KLHL4: variants seen among roughly 807,000 people sequenced by gnomAD.
The protein encoded by KLHL4 is kelch like family member 4.
Under a neutral mutation model 45.8 loss-of-function variants are expected in KLHL4, and 17 were observed. The ratio of observed to expected loss-of-function variants is 0.37; its 90% CI spans 0.25 to 0.56. KLHL4 has a LOEUF of 0.56. KLHL4 is among the 20% of genes least tolerant of loss of function. KLHL4 has a pLI of 0.79. For missense variants in KLHL4, 544 were observed against 544.9 expected (o/e 1.00, Z 0.02); for synonymous variants, 224 against 189.9 (o/e 1.18, Z -1.47).
rs1354000433 is a variant in KLHL4, at chrX:87,582,711, G to C, written c.423-31166G>C. Among the ~76,000 whole-genome samples the C allele has an allele frequency of 2.7e-5, 3 of 111,924 alleles. No individual in the cohort carries two copies. The East Asian group carries it at 8.5e-4, about 32-fold the overall frequency. ...GGGGGATCATTTTGTGTCCAGAGTT[G>C]GTTCCTTCCAGTGGGTTTGTGGTCT... On this transcript the variant is annotated intron_variant, in intron 1 of 10. Coordinates refer to ENST00000373119, the MANE Select transcript of KLHL4 (RefSeq NM_019117.5).
chrX:87,570,125 G>C (rs967839629), intron 1 of KLHL4, among the ~76,000 whole-genome samples: 1 of 110,820 alleles, frequency 9.0e-6, no homozygotes, highest in Non-Finnish European at 1.9e-5. Flanking sequence ...AGGAATTTAT[G>C]ATCTTAAGGG....
chrX:87,554,900 C>T (rs2147781347), intron 1 of KLHL4, among the ~76,000 whole-genome samples: 1 of 105,091 alleles, frequency 9.5e-6, no homozygotes, highest in East Asian at 3.2e-4. Context: ...CCATCAATAC[C>T]TAATTTATTG....
At chrX:87,554,497 A>C (rs1460545877) in intron 1 of KLHL4, among the ~76,000 whole-genome samples, 7 of 93,323 alleles carry the variant, frequency 7.5e-5, no homozygotes, top group Non-Finnish European at 1.4e-4. Context: ...ATGGGAGTTC[A>C]CTCATGATTT....
intron 4 of KLHL4, among the ~76,000 whole-genome samples, chrX:87,618,786 A>G (rs749725712): frequency 1.8e-5 from 2 of 111,992 alleles, no homozygotes; most frequent in East Asian, 5.6e-4. Flanking sequence ...GGCATGAGAC[A>G]CTGCGCCCAG....
At chrX:87,646,162 C>A (rs750011037) in intron 9 of KLHL4, among the ~76,000 whole-genome samples, 29 of 111,030 alleles carry the variant, frequency 2.6e-4, no homozygotes, top group Admixed American at 1.9e-4. Context: ...ACAACAACAA[C>A]AAAAACTTAG....
intron 1 of KLHL4, among the ~76,000 whole-genome samples, chrX:87,549,215 T>C (rs1468953760): frequency 1.8e-5 from 2 of 110,770 alleles, no homozygotes; most frequent in Non-Finnish European, 3.8e-5. Context: ...TTAAAAAGGA[T>C]ACATAATAGC....
chrX:87,659,953 C>T (rs1057135633), intron 9 of KLHL4, among the ~76,000 whole-genome samples: 4 of 77,139 alleles, frequency 5.2e-5, no homozygotes, highest in African/African-American at 1.1e-4. Flanking sequence ...TGTGTGTGCG[C>T]GTATGAGTGT....
intron 6 of KLHL4, among the ~76,000 whole-genome samples, chrX:87,631,066 G>A (rs988750710): frequency 3.2e-4 from 36 of 111,611 alleles, no homozygotes; most frequent in Admixed American, 1.3e-3. Flanking sequence ...TACATAGGGC[G>A]CAAAAGACTG....
chrX:87,568,201 G>T (rs1233332274), intron 1 of KLHL4, among the ~76,000 whole-genome samples: 1 of 108,882 alleles, frequency 9.2e-6, no homozygotes, highest in Non-Finnish European at 1.9e-5. Context: ...GGGCTTTATT[G>T]TTATTATAAT....
chrX:87,585,252 T>C (rs1921427482), intron 1 of KLHL4, among the ~76,000 whole-genome samples: 1 of 111,165 alleles, frequency 9.0e-6, no homozygotes, highest in Non-Finnish European at 1.9e-5. Flanking sequence ...AGAACTTCAA[T>C]AAAAAATATA....
chrX:87,588,253 A>G (rs952237369), intron 1 of KLHL4, among the ~76,000 whole-genome samples: 1 of 112,016 alleles, frequency 8.9e-6, no homozygotes, highest in African/African-American at 3.2e-5. Context: ...TGCAGTCTCT[A>G]TCAAAATACC....
intron 1 of KLHL4, among the ~76,000 whole-genome samples, chrX:87,596,332 T>G (rs2147803216): frequency 8.9e-6 from 1 of 112,411 alleles, no homozygotes; most frequent in South Asian, 3.6e-4. Flanking sequence ...GCTGTAAAAC[T>G]AAGTATGCTG....
intron 9 of KLHL4, among the ~76,000 whole-genome samples, chrX:87,656,983 G>A (rs1203291903): frequency 8.9e-6 from 1 of 111,743 alleles, no homozygotes; most frequent in East Asian, 2.8e-4. Flanking sequence ...ATTATAGGTA[G>A]CCTTAGTGTG....
chrX:87,633,184 G>A (rs1453791837), intron 7 of KLHL4, among the ~76,000 whole-genome samples: 1 of 110,528 alleles, frequency 9.0e-6, no homozygotes, highest in African/African-American at 3.3e-5. Context: ...GTGAAGGTGG[G>A]GAAAAAAACA....
chrX:87,581,149 A>C (rs1230433929), intron 1 of KLHL4, among the ~76,000 whole-genome samples: 1 of 112,127 alleles, frequency 8.9e-6, no homozygotes, highest in South Asian at 3.7e-4. Context: ...TCTTGTGATA[A>C]GGGTTTTCTC....
chrX:87,542,094 A>C (rs906002622), intron 1 of KLHL4, among the ~76,000 whole-genome samples: 5 of 112,099 alleles, frequency 4.5e-5, no homozygotes, highest in African/African-American at 1.6e-4. Flanking sequence ...AGAATTTTCT[A>C]AGTAGCAAAG....
rs1341464318 is a variant in KLHL4 at position 87,614,483 on chromosome X, G to T, written c.640G>T (p.Asp214Tyr). The part of the protein sequence containing the change: ...SDYFAAMFTN[D>Y]VLEAKQEEVR... Reference sequence around the variant, plus strand: ...TTATTTTGCTGCAATGTTTACTAATGATGTGCTTGAAGCCAAACAAGAAGA... The same window carrying T: ...TTATTTTGCTGCAATGTTTACTAATTATGTGCTTGAAGCCAAACAAGAAGA... Residue 214 changes from aspartate (D) to tyrosine (Y), a missense_variant, in exon 3 of 11, where the codon GAT becomes TAT. Physicochemically the swap from Asp to Tyr is radical, Grantham distance 160. Transcript: ENST00000373119. 2.5e-6 allele frequency: 3 copies of T among 1,208,414 alleles called. No individual in the cohort carries two copies. Among genetic ancestry groups the T allele is most frequent in the Non-Finnish European group, 3.4e-6 (3 of 893,047 alleles).
rs886373148 is a variant in KLHL4 at position 87,570,459 on chromosome X, T to G, written c.423-43418T>G. Among the ~76,000 whole-genome samples the G allele has an allele frequency of 2.7e-5, 3 of 110,564 alleles. No individual in the cohort carries two copies. In the East Asian group the frequency reaches 8.6e-4, roughly 32 times the overall value. On this transcript the variant is annotated intron_variant, in intron 1 of 10. Coordinates refer to ENST00000373119, the MANE Select transcript of KLHL4 (RefSeq NM_019117.5). ...GTTCATGGAATTGAGAGAAGTATAC[T>G]GAGAATGACCGTATCATTTATCTTC...
intron 3 of KLHL4, among the ~76,000 whole-genome samples, chrX:87,617,141 A>C (rs1412110540): frequency 4.5e-5 from 5 of 111,548 alleles, no homozygotes; most frequent in African/African-American, 9.7e-5. Context: ...TATAAATATA[A>C]ACGGACTAAC....
Sources: allele counts gnomAD v4.1 joint callset (sites outside exome capture counted in the v4.1 genomes callset), GRCh38; gene constraint gnomAD v4.1.1; transcripts MANE v1.5; gene names NCBI Gene and HGNC (gene_info 2026-07-23, HGNC 2026-07-21).